The following ZMAT4 variants were observed in gnomAD, a reference collection of about 807,000 sequenced individuals.
The protein encoded by ZMAT4 is zinc finger matrin-type 4.
A neutral mutation model predicts 28.7 loss-of-function variants in ZMAT4; 17 were observed. The ratio of observed to expected loss-of-function variants is 0.59; its 90% confidence interval spans 0.41 to 0.89. The LOEUF is 0.89. Among genes scored for constraint, ZMAT4 ranks in the 40% least tolerant of loss-of-function variants. The pLI, the probability that ZMAT4 is intolerant of heterozygous loss-of-function variation, is 0.00. For synonymous variants in ZMAT4, 117 were observed against 109.2 expected (o/e 1.07, Z -0.44); for missense variants, 240 against 283.8 (o/e 0.85, Z 1.11).
At chr8:40,717,169 G>A (rs1389362350) in intron 3 of ZMAT4, among the ~76,000 whole-genome samples, 1 of 152,080 alleles carries the variant, frequency 6.6e-6, no homozygotes, top group African/African-American at 2.4e-5. Flanking sequence ...ATCAAACCTT[G>A]CACACAATGA....
In ZMAT4 at chr8:40,557,488, A is replaced by G. The variant is rs1295508680; in HGVS notation, c.674+23677T>C. 2.0e-5 allele frequency among the ~76,000 whole-genome samples: 3 copies of G among 152,164 alleles called. No individual in the cohort carries two copies. In the East Asian group the frequency reaches 5.8e-4, roughly 29 times the overall value. ...TCATGCAAGTGTCCGTCTTAAACAT[A>G]TAAATCAGCCTTTACTTATGGTCCT... is the stretch of plus-strand genomic sequence containing the variant. On this transcript the variant is annotated intron_variant, in intron 6 of 6. Coordinates refer to ENST00000297737, the MANE Select transcript of ZMAT4 (RefSeq NM_024645.3).
chr8:40,892,351 G>A (rs1340650470), intron 1 of ZMAT4, among the ~76,000 whole-genome samples: 3 of 151,948 alleles, frequency 2.0e-5, no homozygotes, highest in Non-Finnish European at 2.9e-5. Flanking sequence ...ACACATTCCC[G>A]CCACCCTGGC....
chr8:40,716,923 C>A (rs1810883424), intron 3 of ZMAT4, among the ~76,000 whole-genome samples: 1 of 152,134 alleles, frequency 6.6e-6, no homozygotes, highest in South Asian at 2.1e-4. Flanking sequence ...CGTGGACCTG[C>A]CTTTTCTCCT....
chr8:40,789,362 A>C (rs1012157641), intron 2 of ZMAT4, among the ~76,000 whole-genome samples: 1 of 152,186 alleles, frequency 6.6e-6, no homozygotes, highest in Non-Finnish European at 1.5e-5. Context: ...TTCTATATGC[A>C]ATATTGTACT....
At chr8:40,557,260 A>G (rs903244072) in intron 6 of ZMAT4, among the ~76,000 whole-genome samples, 1 of 152,198 alleles carries the variant, frequency 6.6e-6, no homozygotes, top group African/African-American at 2.4e-5. Flanking sequence ...CAATGAATAT[A>G]TGGTATATAT....
At chr8:40,816,547 A>G (rs1385892866) in intron 2 of ZMAT4, among the ~76,000 whole-genome samples, 4 of 152,156 alleles carry the variant, frequency 2.6e-5, no homozygotes, top group Non-Finnish European at 5.9e-5. Context: ...GGGGATGGTT[A>G]GGATATTGTA....
At chr8:40,790,919 T>A (rs896362430) in intron 2 of ZMAT4, among the ~76,000 whole-genome samples, 4 of 152,220 alleles carry the variant, frequency 2.6e-5, no homozygotes, top group Non-Finnish European at 5.9e-5. Context: ...AGTGTGGTAT[T>A]ACTATCAATA....
At chr8:40,859,830 C>T (rs1467108) in intron 1 of ZMAT4, among the ~76,000 whole-genome samples, 117,482 of 151,908 alleles carry the variant, frequency 0.77, 45,530 homozygotes, top group Admixed American at 0.81. Context: ...CACAGAAGTT[C>T]CTGTTTTGGT....
intron 4 of ZMAT4, among the ~76,000 whole-genome samples, chr8:40,675,852 A>G (rs1222514170): frequency 6.6e-6 from 1 of 152,200 alleles, no homozygotes; most frequent in Non-Finnish European, 1.5e-5. Flanking sequence ...AAAAATCAAA[A>G]GAAAAATACT....
intron 3 of ZMAT4, among the ~76,000 whole-genome samples, chr8:40,733,946 C>A (rs2150528575): frequency 6.6e-6 from 1 of 152,218 alleles, no homozygotes; most frequent in African/African-American, 2.4e-5. Flanking sequence ...CAGAAGTGAT[C>A]TGTAAAAACA....
chr8:40,754,556 A>G (rs1232000424), intron 3 of ZMAT4, among the ~76,000 whole-genome samples: 5 of 152,300 alleles, frequency 3.3e-5, no homozygotes, highest in African/African-American at 1.2e-4. Flanking sequence ...TTTCATTTAA[A>G]TTATTATTTG....
At chr8:40,699,595 T>C (rs1388961653) in intron 3 of ZMAT4, among the ~76,000 whole-genome samples, 1 of 31,090 alleles carries the variant, frequency 3.2e-5, no homozygotes, top group Non-Finnish European at 7.8e-5. Context: ...AAAATGTAAA[T>C]GCACACACAC....
Position 40,662,154 on chromosome 8 carries a change from T to A in ZMAT4, c.577+12550A>T, listed in dbSNP as rs1382340832. ...ACCATGCTTGGCTAATTTTTTTTTT[T>A]ATTTTTTATAGAGATGGGGCTTTAC... On this transcript the variant is annotated intron_variant, in intron 5 of 6. Coordinates refer to ENST00000297737, the MANE Select transcript of ZMAT4 (RefSeq NM_024645.3). Among the ~76,000 whole-genome samples, 8 of 150,414 alleles carry A rather than the reference T, an allele frequency of 5.3e-5. No individual in the cohort carries two copies. The East Asian group carries it at 1.6e-3, about 29-fold the overall frequency.
At chr8:40,798,371 A>G (rs896563578) in intron 2 of ZMAT4, among the ~76,000 whole-genome samples, 3 of 152,222 alleles carry the variant, frequency 2.0e-5, no homozygotes, top group African/African-American at 4.8e-5. Context: ...CAAGGTCCCA[A>G]TGCCAGGCTC....
chr8:40,704,298 A>T (rs1810264467), intron 3 of ZMAT4, among the ~76,000 whole-genome samples: 1 of 152,168 alleles, frequency 6.6e-6, no homozygotes, highest in Non-Finnish European at 1.5e-5. Flanking sequence ...TTCCTGATTG[A>T]CTACAGGGTC....
chr8:40,854,144 A>C (rs1487422349), intron 1 of ZMAT4, among the ~76,000 whole-genome samples: 2 of 152,150 alleles, frequency 1.3e-5, no homozygotes, highest in African/African-American at 2.4e-5. Flanking sequence ...ACTTCCCACC[A>C]GGCGCCACCT....
intron 5 of ZMAT4, among the ~76,000 whole-genome samples, chr8:40,640,982 GA>G (rs539810251): frequency 1.7e-4 from 24 of 143,866 alleles, no homozygotes; most frequent in East Asian, 8.1e-4. Flanking sequence ...AAAGAAAAAA[GA>G]AAAAAAAAAG....
At chr8:40,790,604 T>TA (rs1814282867) in intron 2 of ZMAT4, among the ~76,000 whole-genome samples, 1 of 152,060 alleles carries the variant, frequency 6.6e-6, no homozygotes, top group African/African-American at 2.4e-5. Flanking sequence ...ACCTATACAC[T>TA]AAAAAATACA....
intron 4 of ZMAT4, among the ~76,000 whole-genome samples, chr8:40,687,925 G>A (rs1809487526): frequency 6.6e-6 from 1 of 152,144 alleles, no homozygotes; most frequent in Non-Finnish European, 1.5e-5. Context: ...TCTCAGTTAA[G>A]TGATCTCAAC....
Sources: gnomAD v4.1 joint callset for allele counts (sites outside exome capture counted in the v4.1 genomes callset) on GRCh38, gnomAD v4.1.1 for gene constraint, MANE v1.5 for transcripts, NCBI Gene and HGNC (gene_info 2026-07-23, HGNC 2026-07-21) for gene names.